Variants in C16orf74 observed in about 807,000 individuals in gnomAD.
C16orf74 encodes the protein calcimembrin, also known as uncharacterized protein C16orf74.
Under a neutral mutation model 6.5 loss-of-function variants are expected in C16orf74, and 10 were observed. The observed-to-expected ratio is 1.54, with a 90% CI of 0.95 to 2.61. The LOEUF (loss-of-function observed/expected upper bound fraction) is 2.61, where lower values mean the gene tolerates loss of function less well. C16orf74 is among the 30% of genes most tolerant of loss of function. The probability of loss-of-function intolerance (pLI) is 0.00; values close to 1 mark genes in which losing one functional copy is unlikely to be tolerated. For synonymous variants in C16orf74, 60 were observed against 42.5 expected, an observed-to-expected ratio of 1.41 and a Z score of -1.60; for missense variants, 141 against 105.9, an observed-to-expected ratio of 1.33 and a Z score of -1.45.
chr16:85,714,139 A>G (rs1269382286), intron 2 of C16orf74, among the ~76,000 whole-genome samples: 1 of 152,128 alleles, frequency 6.6e-6, no homozygotes, highest in Non-Finnish European at 1.5e-5. Context: ...AGACAAGCGC[A>G]AGGTGGTAGT....
chr16:85,723,259 CAAAA>C (rs5818553), intron 2 of C16orf74, among the ~76,000 whole-genome samples: 37 of 60,112 alleles, frequency 6.2e-4, no homozygotes, highest in African/African-American at 2.2e-3. Context: ...GACTCCATCT[CAAAA>C]AAAAAAAAAA....
chr16:85,745,367 G>C (rs893242307), intron 1 of C16orf74, among the ~76,000 whole-genome samples: 5 of 152,150 alleles, frequency 3.3e-5, no homozygotes, highest in Non-Finnish European at 7.4e-5. Flanking sequence ...TTCCATGTTG[G>C]CTGTGTTTGT....
chr16:85,721,045 C>G (rs1163611481), intron 2 of C16orf74, among the ~76,000 whole-genome samples: 1 of 152,070 alleles, frequency 6.6e-6, no homozygotes, highest in Non-Finnish European at 1.5e-5. Flanking sequence ...GAACCAAGAT[C>G]GCGCCACTGC....
chr16:85,735,327 G>C (rs1426818031), intron 1 of C16orf74, 92 bp from the exon 2 acceptor site: 2 of 761,974 alleles, frequency 2.6e-6, no homozygotes, highest in Non-Finnish European at 4.0e-6. Flanking sequence ...GCCCTGATGA[G>C]TGCAAAACAG....
intron 2 of C16orf74, among the ~76,000 whole-genome samples, chr16:85,724,210 T>C (rs575918266): frequency 1.3e-5 from 2 of 152,260 alleles, no homozygotes; most frequent in African/African-American, 2.4e-5. Context: ...CTTCCGAGTC[T>C]TGAGCAACAC....
At position 85,710,220 on chromosome 16, in the gene C16orf74, A is replaced by ATGATGTCG. The variant is rs1567801167; in HGVS notation, c.108_115dup (p.Ile39ThrfsTer13). ...GCCCGTGGGGGTGGGGGGCGTGATG[A>ATGATGTCG]TGATGTCGGGCACGTCCAGGTGCTT... is the stretch of plus-strand genomic sequence containing the variant. On this transcript the variant is annotated frameshift_variant, in exon 3 of 4. Transcript: ENST00000284245. LOFTEE classifies it high-confidence loss of function. 1 of 1,501,422 alleles carries ATGATGTCG rather than the reference A, an allele frequency of 6.7e-7. No homozygotes were observed. The highest frequency in any genetic ancestry group is 8.8e-7 in the Non-Finnish European group (1 of 1,137,082). The allele number at this position is 1,501,422 out of a possible 1,614,324, so 93.0% of individuals were successfully genotyped here. A position where few individuals can be genotyped will look rare whatever the true frequency, so the allele number is the denominator to read the frequency against.
At chr16:85,725,205 C>T (rs537316471) in intron 2 of C16orf74, among the ~76,000 whole-genome samples, 247 of 152,278 alleles carry the variant, frequency 1.6e-3, no homozygotes, top group Non-Finnish European at 2.5e-3. Context: ...TGCCCTGAGC[C>T]GAAGGGAGGC....
chr16:85,716,378 AGAGAG>A (rs1383489789), intron 2 of C16orf74, among the ~76,000 whole-genome samples: 1 of 123,158 alleles, frequency 8.1e-6, no homozygotes, highest in Non-Finnish European at 1.7e-5. Flanking sequence ...GGGAAGGAGG[AGAGAG>A]GAGAGGAGGG....
chr16:85,710,349 CAGAG>C (rs747980872), intron 2 of C16orf74, 42 bp from the exon 3 acceptor site: 1 of 1,437,608 alleles, frequency 7.0e-7, no homozygotes, highest in Non-Finnish European at 9.0e-7. Flanking sequence ...GTACACACGA[CAGAG>C]AGACAGGCAT....
chr16:85,746,334 G>C (rs1288949472), intron 1 of C16orf74, among the ~76,000 whole-genome samples: 2 of 152,150 alleles, frequency 1.3e-5, no homozygotes, highest in Admixed American at 6.6e-5. Flanking sequence ...TGGGCGGCAA[G>C]GTGAGACTCG....
At chr16:85,735,661 G>A (rs1018129425) in intron 1 of C16orf74, among the ~76,000 whole-genome samples, 26 of 151,438 alleles carry the variant, frequency 1.7e-4, no homozygotes, top group Admixed American at 6.6e-4. Context: ...GGCCCCCATG[G>A]CCATGTACCT....
chr16:85,738,557 C>A (rs1300414194), intron 1 of C16orf74, among the ~76,000 whole-genome samples: 2 of 151,800 alleles, frequency 1.3e-5, no homozygotes, highest in African/African-American at 4.8e-5. Context: ...TCTCGAACTC[C>A]TGACCTCAAG....
intron 3 of C16orf74, among the ~76,000 whole-genome samples, chr16:85,709,589 A>G (rs1598776884): frequency 6.6e-6 from 1 of 152,206 alleles, no homozygotes; most frequent in South Asian, 2.1e-4. Flanking sequence ...TGCTCAATGA[A>G]TACATGAACA....
chr16:85,721,401 A>G (rs392072), intron 2 of C16orf74, among the ~76,000 whole-genome samples: 56,942 of 152,034 alleles, frequency 0.37, 11,204 homozygotes, highest in African/African-American at 0.49. Flanking sequence ...CCCAGCTTCT[A>G]TGACCAAAAA....
At chr16:85,719,522 A>G (rs2054058032) in intron 2 of C16orf74, among the ~76,000 whole-genome samples, 1 of 152,106 alleles carries the variant, frequency 6.6e-6, no homozygotes. Context: ...AGACGGGCAC[A>G]CTGAGGCACA....
chr16:85,738,792 A>C (rs2054272348), intron 1 of C16orf74, among the ~76,000 whole-genome samples: 2 of 151,850 alleles, frequency 1.3e-5, no homozygotes, highest in Non-Finnish European at 2.9e-5. Context: ...GGCACTCACC[A>C]TGGGCCCGGC....
chr16:85,714,284 C>G (rs965119264), intron 2 of C16orf74, among the ~76,000 whole-genome samples: 1 of 152,114 alleles, frequency 6.6e-6, no homozygotes, highest in Admixed American at 6.5e-5. Flanking sequence ...CATTCTCAAA[C>G]CCAGTGACGA....
intron 2 of C16orf74, among the ~76,000 whole-genome samples, chr16:85,732,210 G>C (rs935240873): frequency 6.6e-6 from 1 of 152,186 alleles, no homozygotes; most frequent in Non-Finnish European, 1.5e-5. Context: ...GAAGAAACGA[G>C]GCCCTGCTCA....
At chr16:85,741,867 T>C (rs2054312522) in intron 1 of C16orf74, among the ~76,000 whole-genome samples, 1 of 152,152 alleles carries the variant, frequency 6.6e-6, no homozygotes, top group Non-Finnish European at 1.5e-5. Flanking sequence ...ACCATCATCT[T>C]CATCATCATC....
Sources: allele counts gnomAD v4.1 joint callset (sites outside exome capture counted in the v4.1 genomes callset), GRCh38; gene constraint gnomAD v4.1.1; transcripts MANE v1.5; gene names NCBI Gene and HGNC (gene_info 2026-07-23, HGNC 2026-07-21).